Variants in ST6GALNAC6 observed in about 807,000 individuals in gnomAD.
The protein encoded by ST6GALNAC6 is ST6 N-acetylgalactosaminide alpha-2,6-sialyltransferase 6.
ST6GALNAC6 carries 19 observed loss-of-function variants against 34.3 expected under a neutral mutation model. The ratio of observed to expected loss-of-function variants is 0.55; its 90% CI spans 0.39 to 0.81. ST6GALNAC6 has a LOEUF of 0.81. Ranked by LOEUF, ST6GALNAC6 falls within the 40% of genes least tolerant of loss-of-function variation. ST6GALNAC6 has a pLI of 0.00. For synonymous variants in ST6GALNAC6, 185 were observed against 182.1 expected, an observed-to-expected ratio of 1.02 and a Z score of -0.13; for missense variants, 377 against 467.7, an observed-to-expected ratio of 0.81 and a Z score of 1.79.
chr9:127,887,648 G>A (rs1829864271), intron 5 of ST6GALNAC6, 57 bp from the exon 6 acceptor site: 3 of 1,441,322 alleles, frequency 2.1e-6, no homozygotes, highest in Admixed American at 1.9e-5. Context: ...GGGAGCAGGT[G>A]ACCCAGGGTC....
intron 2 of ST6GALNAC6, 196 bp downstream of exon 2, chr9:127,897,760 C>A: frequency 7.3e-7 from 1 of 1,367,644 alleles, no homozygotes; most frequent in Non-Finnish European, 9.7e-7. Flanking sequence ...GTCCAGCCGC[C>A]TATATCTTAC....
chr9:127,898,565 C>T (rs1830608945), intron 1 of ST6GALNAC6, among the ~76,000 whole-genome samples: 1 of 152,230 alleles, frequency 6.6e-6, no homozygotes, highest in Non-Finnish European at 1.5e-5. Flanking sequence ...AGCGACTTTC[C>T]CGGAATATCA....
intron 5 of ST6GALNAC6, among the ~76,000 whole-genome samples, chr9:127,887,913 A>C (rs2131466366): frequency 6.6e-6 from 1 of 152,336 alleles, no homozygotes; most frequent in East Asian, 1.9e-4. Context: ...GCATGCTAAA[A>C]ACAGTTGTGC....
chr9:127,890,907 G>T lies in ST6GALNAC6; in HGVS notation c.434C>A (p.Ala145Asp). Residue 145 changes from alanine (A) to aspartate (D), a missense_variant, in exon 5 of 7, where the codon GCT becomes GAT. Coordinates refer to ENST00000373146, the MANE Select transcript of ST6GALNAC6 (RefSeq NM_013443.5). The surrounding 1 kb of genome is among the most constrained non-coding windows in gnomAD (Gnocchi z 4.3). ...MNDAPTTGYS[A>D]DVGNKTTYRV... ...GTAGGTGGTCTTGTTGCCCACATCA[G>T]CTGAGTAGCCAGTGGTGGGTGCATC... is the stretch of plus-strand genomic sequence containing the variant. 1 of 1,614,200 alleles carries T rather than the reference G, an allele frequency of 6.2e-7. No homozygotes were observed.
chr9:127,905,452 C>G, upstream of ST6GALNAC6: 6 of 985,530 alleles, frequency 6.1e-6, no homozygotes, highest in Non-Finnish European at 7.2e-6. Flanking sequence ...GCCTCTGTGT[C>G]CTGGGCCCAA....
At chr9:127,898,799 G>A (rs938750927) in intron 1 of ST6GALNAC6, among the ~76,000 whole-genome samples, 6 of 152,254 alleles carry the variant, frequency 3.9e-5, no homozygotes, top group Admixed American at 3.9e-4. Flanking sequence ...GGCTGGAACG[G>A]GTCAGAGGCC....
upstream of ST6GALNAC6, among the ~76,000 whole-genome samples, chr9:127,905,619 T>C (rs1181563954): frequency 2.0e-5 from 3 of 152,056 alleles, no homozygotes; most frequent in East Asian, 5.8e-4. Context: ...GGCAGGGGCT[T>C]CCTGCCATCT....
At chr9:127,892,748 C>T (rs1198541259) in intron 4 of ST6GALNAC6, among the ~76,000 whole-genome samples, 1 of 152,128 alleles carries the variant, frequency 6.6e-6, no homozygotes, top group Non-Finnish European at 1.5e-5. Context: ...ATTGTAAAAC[C>T]TGAGTGTCTG....
At chr9:127,900,903 G>C (rs1830730553), upstream of ST6GALNAC6, among the ~76,000 whole-genome samples, 1 of 136,874 alleles carries the variant, frequency 7.3e-6, no homozygotes, top group South Asian at 2.4e-4. Context: ...AGAATCACTT[G>C]AACCCAGGAG....
chr9:127,899,566 A>G lies in ST6GALNAC6; in HGVS notation c.-93T>C, dbSNP rs2131586279. The G allele has an allele frequency of 1.0e-6, 1 of 980,632 alleles. No individual in the cohort carries two copies. Among genetic ancestry groups the G allele is most frequent in the Non-Finnish European group, 1.2e-6 (1 of 828,084 alleles). 60.7% of individuals were successfully genotyped at this position (980,632 alleles called of 1,614,324 possible). A position where few individuals can be genotyped will look rare whatever the true frequency, so the allele number is the denominator to read the frequency against. On this transcript the variant is annotated 5_prime_UTR_variant, in exon 1 of 7. Coordinates refer to ENST00000373146, the MANE Select transcript of ST6GALNAC6 (RefSeq NM_013443.5). ...CCCCCTCACATGGCGCCGGGAGCCGAGCGCCGGGGTCCGCGCTCCTCAGGC... is the reference window on the plus strand; with the variant it reads ...CCCCCTCACATGGCGCCGGGAGCCGGGCGCCGGGGTCCGCGCTCCTCAGGC...
chr9:127,891,137 C>T, intron 4 of ST6GALNAC6, 94 bp from the exon 5 acceptor site: 3 of 1,414,310 alleles, frequency 2.1e-6, no homozygotes, highest in South Asian at 1.4e-5. Context: ...AATTGTTATG[C>T]CCATTTTAAA....
At chr9:127,900,145 T>G (rs1399008560), upstream of ST6GALNAC6, among the ~76,000 whole-genome samples, 1 of 152,224 alleles carries the variant, frequency 6.6e-6, no homozygotes, top group African/African-American at 2.4e-5. Flanking sequence ...TTCTTGTAAT[T>G]ACCAGGGCAT....
chr9:127,904,469 T>C (rs1240951498), upstream of ST6GALNAC6: 1 of 152,202 alleles, frequency 6.6e-6, no homozygotes, highest in Non-Finnish European at 1.5e-5. Context: ...CTTAGCAAAC[T>C]TCTTTGAGCC....
intron 1 of ST6GALNAC6, among the ~76,000 whole-genome samples, chr9:127,898,886 G>A (rs1451216115): frequency 1.3e-5 from 2 of 152,050 alleles, no homozygotes; most frequent in Admixed American, 6.5e-5. Context: ...GTTGGGGAGC[G>A]GCTTGCTCAC....
chr9:127,894,676 C>T lies in ST6GALNAC6; in HGVS notation c.133G>A (p.Val45Met). 1.9e-6 allele frequency: 3 copies of T among 1,614,158 alleles called. No individual in the cohort carries two copies. Among genetic ancestry groups the T allele is most frequent in the Non-Finnish European group, 2.5e-6 (3 of 1,180,014 alleles). The stretch of plus-strand genomic sequence containing the variant: ...ATGAGGGCAAAGAGGATCACGAACA[C>T]TGCTGACCGCTGCTCCTGGAGAGAG... ...MSSNKEQRSA[V>M]FVILFALITI... Residue 45 changes from valine (V) to methionine (M), a missense_variant, in exon 4 of 7, where the codon GTG (valine) becomes ATG (methionine). Transcript: ENST00000373146.
chr9:127,898,316 C>A (rs1203153689), intron 1 of ST6GALNAC6, among the ~76,000 whole-genome samples: 2 of 152,190 alleles, frequency 1.3e-5, no homozygotes, highest in Admixed American at 6.5e-5. Context: ...TCGCTTGAAC[C>A]CGGGAGGCGG....
Position 127,899,502 on chromosome 9 carries a change from C to A in ST6GALNAC6, c.-30+1G>T. 1.0e-6 allele frequency: 1 copy of A among 979,382 alleles called. No individual in the cohort carries two copies. Among genetic ancestry groups the A allele is most frequent in the Middle Eastern group, 5.3e-4 (1 of 1,904 alleles). 60.7% of individuals were successfully genotyped at this position (979,382 alleles called of 1,614,324 possible). A position where few individuals can be genotyped will look rare whatever the true frequency, so the allele number is the denominator to read the frequency against. Reference sequence around the variant, plus strand: ...CCTGCTCCCGCGCGGCGCCTGCTCACCTCCGGCGGGGAGCGCCCGGCCCCC... The same window carrying A: ...CCTGCTCCCGCGCGGCGCCTGCTCAACTCCGGCGGGGAGCGCCCGGCCCCC... On this transcript the variant is annotated splice_donor_variant, in intron 1 of 6. Coordinates refer to ENST00000373146, the MANE Select transcript of ST6GALNAC6 (RefSeq NM_013443.5). LOFTEE classifies it low-confidence loss of function (5UTR_SPLICE).
At position 127,894,646 on chromosome 9, in the gene ST6GALNAC6, T is replaced by C. The variant is rs547892639; in HGVS notation, c.163A>G (p.Ile55Val). The C allele has an allele frequency of 1.2e-6, 2 of 1,614,162 alleles. No homozygotes were observed. Among genetic ancestry groups the C allele is most frequent in the Non-Finnish European group, 8.5e-7 (1 of 1,180,020 alleles). ...VFVILFALITILILYSSNSAN... is the reference protein window; with the variant it reads ...VFVILFALITVLILYSSNSAN... ...CTGTTGGAGCTGTAGAGGATGAGGA[T>C]GGTGATGAGGGCAAAGAGGATCACG... Residue 55 changes from isoleucine (I) to valine (V), a missense_variant, in exon 4 of 7, where the codon ATC becomes GTC. Ile to Val is a conservative substitution (Grantham distance 29). Coordinates refer to ENST00000373146, the MANE Select transcript of ST6GALNAC6 (RefSeq NM_013443.5).
In ST6GALNAC6 at chr9:127,890,966, C is replaced by A; in HGVS notation, c.375G>T (p.Glu125Asp). The A allele has an allele frequency of 6.2e-7, 1 of 1,614,184 alleles. No homozygotes were observed. The highest frequency in any genetic ancestry group is 8.5e-7 in the Non-Finnish European group (1 of 1,180,036). The part of the protein sequence containing the change: ...SHLLGTKLGP[E>D]IERAECTIRM... ...GGATTGTACACTCAGCCCGCTCGAT[C>A]TCAGGGCCCAGCTTGGTGCCCAGCA... is the stretch of plus-strand genomic sequence containing the variant. Residue 125 changes from glutamate (E) to aspartate (D), a missense_variant, in exon 5 of 7, where the codon GAG becomes GAT. Glu to Asp is a conservative substitution (Grantham distance 45). Transcript: ENST00000373146. The surrounding 1 kb of genome is among the most constrained non-coding windows in gnomAD (Gnocchi z 4.3).
Sources: gnomAD v4.1 joint callset for allele counts (sites outside exome capture counted in the v4.1 genomes callset) on GRCh38, gnomAD v4.1.1 for gene constraint, Gnocchi (gnomAD v3.1) non-coding constraint, MANE v1.5 for transcripts, NCBI Gene and HGNC (gene_info 2026-07-23, HGNC 2026-07-21) for gene names.